Variants in FBL observed in about 807,000 individuals in gnomAD.
FBL encodes fibrillarin rRNA 2'-O-methyltransferase.
In FBL, 10 loss-of-function variants were observed where a neutral mutation model predicts 42.2. The observed-to-expected ratio is 0.24, with a 90% CI of 0.15 to 0.40. The LOEUF is 0.40. Among genes scored for constraint, FBL ranks in the 10% least tolerant of loss-of-function variants. The probability of loss-of-function intolerance (pLI) is 1.00; values close to 1 mark genes in which losing one functional copy is unlikely to be tolerated. For synonymous variants in FBL, 165 were observed against 165.4 expected, an observed-to-expected ratio of 1.00 and a Z score of 0.02; for missense variants, 351 against 439.2, an observed-to-expected ratio of 0.80 and a Z score of 1.79.
Position 39,846,282 on chromosome 19 carries a change from C to T in FBL, c.10+9G>A, listed in dbSNP as rs376533903. 2.5e-6 allele frequency: 4 copies of T among 1,613,850 alleles called. No homozygotes were observed. In the African/African-American group the frequency reaches 4.0e-5, roughly 16 times the overall value. On this transcript the variant is annotated intron_variant, in intron 1 of 8. Coordinates refer to ENST00000221801, the MANE Select transcript of FBL (RefSeq NM_001436.4). ...CGTCCCTGACCCCGGACCCTCACCCCAGCCTGACCTGGCTTCATGGCGAGC... is the reference window on the plus strand; with the variant it reads ...CGTCCCTGACCCCGGACCCTCACCCTAGCCTGACCTGGCTTCATGGCGAGC...
In FBL at chr19:39,840,277, C is replaced by T. The variant is rs758770915; in HGVS notation, c.334G>A (p.Val112Ile). The change falls in exon 4 of 9, where the codon GTC becomes ATC. Residue 112 changes from valine (V) to isoleucine (I), a missense_variant. Transcript: ENST00000221801. The surrounding 1 kb of genome is among the most constrained non-coding windows in gnomAD (Gnocchi z 4.5). ...TCTCCATAAACTGATTCCCCAGGGACCAGGTTCTTGGTGACCAGTGCATCT... is the reference window on the plus strand; with the variant it reads ...TCTCCATAAACTGATTCCCCAGGGATCAGGTTCTTGGTGACCAGTGCATCT... ...KEDALVTKNLVPGESVYGEKR... is the reference protein window; with the variant it reads ...KEDALVTKNLIPGESVYGEKR... 4 of 1,614,062 alleles carry T rather than the reference C, an allele frequency of 2.5e-6. No homozygotes were observed. The highest frequency in any genetic ancestry group is 4.5e-5 in the East Asian group (2 of 44,864).
rs61737956 is a variant in FBL at position 39,834,677 on chromosome 19, C to G, written c.932G>C (p.Gly311Ala). ...CTGGGCCCCTGCTCACCTGTACACT[C>G]CCACGACCACGGCATGGTCTCTTTC... ...PYERDHAVVV[G>A]VYRPPPKVKN The change falls in exon 8 of 9, where the codon GGA (glycine) becomes GCA (alanine). Residue 311 changes from glycine to alanine, a missense_variant. By Grantham distance (60) the Gly-to-Ala change is moderately conservative (BLOSUM62 0). Transcript: ENST00000221801. 1.9e-6 allele frequency: 3 copies of G among 1,614,146 alleles called. No homozygotes were observed.
Position 39,840,507 on chromosome 19 carries a change from A to G in FBL, c.190T>C (p.Phe64Leu), listed in dbSNP as rs1404555751. 2 of 1,614,098 alleles carry G rather than the reference A, an allele frequency of 1.2e-6. No homozygotes were observed. Among genetic ancestry groups the G allele is most frequent in the East Asian group, 2.2e-5 (1 of 44,886 alleles). Residue 64 changes from phenylalanine to leucine, a missense_variant, in exon 3 of 9, where the codon TTC becomes CTC. By Grantham distance (22) the Phe-to-Leu change is conservative. Coordinates refer to ENST00000221801, the MANE Select transcript of FBL (RefSeq NM_001436.4). This position sits in a 1 kb window ranked among gnomAD's most constrained non-coding sequence, Gnocchi z 4.5. ...GGGGGRGGGG[F>L]HSGGNRGRGR... ...CGACCCCGGTTGCCACCAGAATGGA[A>G]GCCTCCACCTATAAAGGAGAGGTAC...
chr19:39,840,837 AACC>A lies in FBL; in HGVS notation c.11-53_11-51del, dbSNP rs1319143317. The A allele has an allele frequency of 4.7e-6, 7 of 1,473,896 alleles. No individual in the cohort carries two copies. In the South Asian group the frequency reaches 8.1e-5, roughly 17 times the overall value. 91.3% of individuals were successfully genotyped at this position (1,473,896 alleles called of 1,614,324 possible). On this transcript the variant is annotated intron_variant, in intron 1 of 8. Coordinates refer to ENST00000221801, the MANE Select transcript of FBL (RefSeq NM_001436.4). The surrounding 1 kb of genome is among the most constrained non-coding windows in gnomAD (Gnocchi z 4.5). The stretch of plus-strand genomic sequence containing the variant: ...CAGGGCAATGAAGCTTAAAAGGTTA[AACC>A]ACCTTGTACCCAGCAATACCTCTCA...
intron 1 of FBL, 77 bp downstream of exon 1, chr19:39,846,214 C>A: frequency 6.4e-7 from 1 of 1,557,496 alleles, no homozygotes; most frequent in Non-Finnish European, 8.9e-7. Flanking sequence ...CAAGGCCCCA[C>A]CCCTCCGATT....
At chr19:39,836,401 A>G (rs1170810028) in intron 7 of FBL, among the ~76,000 whole-genome samples, 155 bp downstream of exon 7, 1 of 152,132 alleles carries the variant, frequency 6.6e-6, no homozygotes, top group Non-Finnish European at 1.5e-5. Flanking sequence ...TCAATTTTGC[A>G]CTTGACCGCT....
At chr19:39,844,863 T>G (rs1269676718) in intron 1 of FBL, among the ~76,000 whole-genome samples, 1 of 152,172 alleles carries the variant, frequency 6.6e-6, no homozygotes, top group Non-Finnish European at 1.5e-5. Flanking sequence ...CAGGCTAAAA[T>G]CCTTACTAAA....
At position 39,834,543 on chromosome 19, in the gene FBL, T is replaced by A. The variant is rs140415693; in HGVS notation, c.961A>T (p.Asn321Tyr). The A allele has an allele frequency of 1.2e-6, 2 of 1,614,014 alleles. No individual in the cohort carries two copies. Among genetic ancestry groups the A allele is most frequent in the African/African-American group, 1.3e-5 (1 of 74,898 alleles). ...GVYRPPPKVKN is the reference protein window; with the variant it reads ...GVYRPPPKVKY Reference sequence around the variant, plus strand: ...AATCCTGACAGCGCTGAACTTCAGTTCTTCACCTTGGGGGGTGGCCTGTGA... The same window carrying A: ...AATCCTGACAGCGCTGAACTTCAGTACTTCACCTTGGGGGGTGGCCTGTGA... Residue 321 changes from asparagine (N) to tyrosine (Y), a missense_variant, in exon 9 of 9, where the codon AAC (asparagine) becomes TAC (tyrosine). Physicochemically the swap from Asn to Tyr is moderately radical, Grantham distance 143 (BLOSUM62 -2). Transcript: ENST00000221801.
intron 4 of FBL, 135 bp from the exon 5 acceptor site, chr19:39,839,340 A>G: frequency 3.0e-6 from 2 of 671,032 alleles, no homozygotes; most frequent in Non-Finnish European, 4.9e-6. Flanking sequence ...AAGAGCAGTG[A>G]CCATGCACAT....
intron 1 of FBL, among the ~76,000 whole-genome samples, chr19:39,845,234 T>C (rs1233737122): frequency 6.6e-6 from 1 of 151,762 alleles, no homozygotes; most frequent in East Asian, 1.9e-4. Flanking sequence ...CACAGATGAG[T>C]GCGGGTTGGG....
intron 1 of FBL, 77 bp downstream of exon 1, chr19:39,846,213 AC>A (rs1231166160): frequency 1.3e-4 from 206 of 1,552,916 alleles, no homozygotes; most frequent in Non-Finnish European, 1.6e-4. Context: ...CCAAGGCCCC[AC>A]CCCTCCGATT....
In FBL at chr19:39,840,150, G is replaced by T; in HGVS notation, c.378+83C>A. 1 of 926,476 alleles carries T rather than the reference G, an allele frequency of 1.1e-6. No individual in the cohort carries two copies. Among genetic ancestry groups the T allele is most frequent in the South Asian group, 1.3e-5 (1 of 74,908 alleles). 57.4% of individuals were successfully genotyped at this position (926,476 alleles called of 1,614,324 possible). A position where few individuals can be genotyped will look rare whatever the true frequency, so the allele number is the denominator to read the frequency against. The stretch of plus-strand genomic sequence containing the variant: ...ACAATCCTCCAGCTGTCACGTGCAG[G>T]ACACATGGTGAGGGCAGACACAGAC... On this transcript the variant is annotated intron_variant, in intron 4 of 8. Transcript: ENST00000221801. The surrounding 1 kb of genome is among the most constrained non-coding windows in gnomAD (Gnocchi z 4.5).
At position 39,836,679 on chromosome 19, in the gene FBL, A is replaced by G. The variant is rs1337458205; in HGVS notation, c.683-11T>C. 1 of 1,606,722 alleles carries G rather than the reference A, an allele frequency of 6.2e-7. No homozygotes were observed. The highest frequency in any genetic ancestry group is 8.5e-7 in the Non-Finnish European group (1 of 1,173,600). On this transcript the variant is annotated splice_polypyrimidine_tract_variant and intron_variant, in intron 6 of 8. Coordinates refer to ENST00000221801, the MANE Select transcript of FBL (RefSeq NM_001436.4). ...TCACATCCACCATTGCTAAGGAGAA[A>G]GGAGCAGCAGTTAAAAGTTGGAGTC...
intron 1 of FBL, among the ~76,000 whole-genome samples, chr19:39,845,438 C>T (rs146373210): frequency 3.0e-4 from 46 of 152,328 alleles, no homozygotes; most frequent in African/African-American, 9.9e-4. Context: ...GGTAAAGCCA[C>T]TTGCCCAAGT....
chr19:39,834,608 G>C (rs780229497), intron 8 of FBL, 46 bp from the exon 9 acceptor site: 3 of 1,614,088 alleles, frequency 1.9e-6, no homozygotes, highest in Non-Finnish European at 2.5e-6. Context: ...CAGGATCATG[G>C]CACTCGGGGT....
At chr19:39,837,687 CG>C (rs754649819) in intron 6 of FBL, 23 bp downstream of exon 6, 1 of 1,539,202 alleles carries the variant, frequency 6.5e-7, no homozygotes, top group Non-Finnish European at 8.7e-7. Flanking sequence ...CCTACCCCAC[CG>C]GGGCCACCCC....
chr19:39,834,741 T>G lies in FBL; in HGVS notation c.868A>C (p.Asn290His). 6.2e-7 allele frequency: 1 copy of G among 1,614,146 alleles called. No homozygotes were observed. The highest frequency in any genetic ancestry group is 1.1e-5 in the South Asian group (1 of 91,072). ...ASEVKKMQQE[N>H]MKPQEQLTLE... ...GTCAACTGCTCCTGCGGCTTCATGT[T>G]CTCCTGTTGCATCTTTTTCACTTCG... Residue 290 changes from asparagine (N) to histidine (H), a missense_variant, in exon 8 of 9, where the codon AAC (asparagine) becomes CAC (histidine). Transcript: ENST00000221801.
At position 39,840,390 on chromosome 19, in the gene FBL, C is replaced by A. The variant is rs201702222; in HGVS notation, c.283+24G>T. 1.2e-6 allele frequency: 2 copies of A among 1,613,380 alleles called. No homozygotes were observed. Among genetic ancestry groups the A allele is most frequent in the Non-Finnish European group, 1.7e-6 (2 of 1,179,336 alleles). On this transcript the variant is annotated intron_variant, in intron 3 of 8. Transcript: ENST00000221801. The surrounding 1 kb of genome is among the most constrained non-coding windows in gnomAD (Gnocchi z 4.5). ...GCCTCTCCCTGCCCCGAAGCTCAGC[C>A]GGCTCCCTGCCTTCCTCACTCACCC...
chr19:39,839,846 G>T (rs1969122783), intron 4 of FBL, among the ~76,000 whole-genome samples: 1 of 152,192 alleles, frequency 6.6e-6, no homozygotes, highest in Admixed American at 6.5e-5. Flanking sequence ...GGGCGGTGAG[G>T]GATGCCTTGA....
Sources: allele counts gnomAD v4.1 joint callset (sites outside exome capture counted in the v4.1 genomes callset), GRCh38; gene constraint gnomAD v4.1.1; non-coding constraint Gnocchi (gnomAD v3.1); transcripts MANE v1.5; gene names NCBI Gene and HGNC (gene_info 2026-07-23, HGNC 2026-07-21).